CIT: variants seen among roughly 807,000 people sequenced by gnomAD.
CIT encodes the protein citron Rho-interacting kinase.
CIT carries 79 observed loss-of-function variants against 272.7 expected under a neutral mutation model. That is an observed-to-expected ratio of 0.29 (90% confidence interval 0.24 to 0.35). CIT has a LOEUF of 0.35. Ranked by LOEUF, CIT falls within the 10% of genes least tolerant of loss-of-function variation. The probability of loss-of-function intolerance (pLI) is 1.00; values close to 1 mark genes in which losing one functional copy is unlikely to be tolerated. For missense variants in CIT, 1,909 were observed against 2,618.3 expected, an observed-to-expected ratio of 0.73 and a Z score of 5.91; for synonymous variants, 948 against 995.6, an observed-to-expected ratio of 0.95 and a Z score of 0.90.
In CIT at chr12:119,708,048, CA is replaced by C. The variant is rs58766664; in HGVS notation, c.5211+130del. On this transcript the variant is annotated intron_variant, in intron 40 of 47. Transcript: ENST00000392521. The stretch of plus-strand genomic sequence containing the variant: ...GTTCCCAAATCAATCTCTTTTCTTT[CA>C]AGAGAGCCCCTCTCTGTTTGTTATT... 0.035 allele frequency: 35,633 copies of C among 1,025,338 alleles called. 3,675 individuals are homozygous for C. Among genetic ancestry groups the C allele is most frequent in the African/African-American group, 0.34 (20,180 of 59,448 alleles). 63.5% of individuals were successfully genotyped at this position (1,025,338 alleles called of 1,614,324 possible).
intron 10 of CIT, among the ~76,000 whole-genome samples, chr12:119,795,120 A>G (rs554864660): frequency 6.6e-6 from 1 of 152,208 alleles, no homozygotes; most frequent in Non-Finnish European, 1.5e-5. Flanking sequence ...GGTGGCTCAC[A>G]TCTGTAATCA....
intron 3 of CIT, among the ~76,000 whole-genome samples, chr12:119,861,795 A>C (rs1303831507): frequency 6.6e-6 from 1 of 152,222 alleles, no homozygotes; most frequent in Non-Finnish European, 1.5e-5. Flanking sequence ...GCATACAAAG[A>C]TGTGAATGAT....
intron 10 of CIT, among the ~76,000 whole-genome samples, chr12:119,790,574 TGAGAGAGAGAGACACCCAGAGAGG>T: frequency 2.0e-5 from 3 of 152,056 alleles, no homozygotes; most frequent in Non-Finnish European, 4.4e-5. Context: ...AGCGTGTGTG[TGAGAGAGAGAGACACCCAGAGAGG>T]GAGAGAGAGA....
At position 119,857,504 on chromosome 12, in the gene CIT, G is replaced by C; in HGVS notation, c.414+19C>G. 5.0e-6 allele frequency: 8 copies of C among 1,612,918 alleles called. No homozygotes were observed. Among genetic ancestry groups the C allele is most frequent in the Non-Finnish European group, 6.8e-6 (8 of 1,179,294 alleles). ...TCCGGTACAGAAAGTGGAAAAGCAT[G>C]ATGTTAAAATCCTCCTACCTGCTCC... On this transcript the variant is annotated intron_variant, in intron 4 of 47. Coordinates refer to ENST00000392521, the MANE Select transcript of CIT (RefSeq NM_001206999.2).
chr12:119,825,030 G>A, intron 8 of CIT, 135 bp downstream of exon 8: 1 of 647,712 alleles, frequency 1.5e-6, no homozygotes, highest in Admixed American at 2.9e-5. Flanking sequence ...TCGATCTCCT[G>A]ACCTCGTGAT....
At chr12:119,849,966 G>T (rs762561453) in intron 5 of CIT, among the ~76,000 whole-genome samples, 1 of 152,194 alleles carries the variant, frequency 6.6e-6, no homozygotes, top group Non-Finnish European at 1.5e-5. Flanking sequence ...GATTACAGGC[G>T]TGAGCCACCA....
chr12:119,694,427 C>T lies in CIT; in HGVS notation c.5882+3232G>A, dbSNP rs149881691. ...CATCTGGGGAGAAATGAATGAATAA[C>T]TACTTCTCACACTGACACGGAGCAA... On this transcript the variant is annotated intron_variant, in intron 46 of 47. Coordinates refer to ENST00000392521, the MANE Select transcript of CIT (RefSeq NM_001206999.2). The surrounding 1 kb of genome is among the most constrained non-coding windows in gnomAD (Gnocchi z 4.5). 0.016 allele frequency among the ~76,000 whole-genome samples: 2,367 copies of T among 152,228 alleles called. 54 individuals carry two copies. Among genetic ancestry groups the T allele is most frequent in the African/African-American group, 0.053 (2,190 of 41,520 alleles).
intron 4 of CIT, among the ~76,000 whole-genome samples, chr12:119,852,231 C>T (rs1263300668): frequency 6.6e-6 from 1 of 152,010 alleles, no homozygotes; most frequent in Non-Finnish European, 1.5e-5. Flanking sequence ...AGACCAAGAC[C>T]CTAAATCTAA....
chr12:119,781,976 T>C (rs1003605580), intron 13 of CIT, among the ~76,000 whole-genome samples: 1 of 152,108 alleles, frequency 6.6e-6, no homozygotes, highest in Admixed American at 6.6e-5. Context: ...GCAGGCCACA[T>C]GGTCTCTGTA....
intron 26 of CIT, among the ~76,000 whole-genome samples, chr12:119,733,722 C>T (rs1958602471): frequency 6.6e-6 from 1 of 151,948 alleles, no homozygotes; most frequent in African/African-American, 2.4e-5. Flanking sequence ...CTACAATGCA[C>T]AGGACAGCCC....
intron 3 of CIT, among the ~76,000 whole-genome samples, chr12:119,858,808 C>T (rs1382924859): frequency 1.3e-5 from 2 of 150,308 alleles, no homozygotes; most frequent in African/African-American, 2.5e-5. Flanking sequence ...AGTGACAGAG[C>T]GAGACTCCAT....
intron 37 of CIT, among the ~76,000 whole-genome samples, chr12:119,711,250 T>C (rs1324225720): frequency 6.6e-6 from 1 of 151,986 alleles, no homozygotes; most frequent in Non-Finnish European, 1.5e-5. Flanking sequence ...TTATTAGGAG[T>C]GAAGAGTCTG....
At chr12:119,814,054 C>A (rs1347479767) in intron 9 of CIT, among the ~76,000 whole-genome samples, 1 of 152,100 alleles carries the variant, frequency 6.6e-6, no homozygotes, top group South Asian at 2.1e-4. Flanking sequence ...TACTTTCAAC[C>A]CTAACTTTAT....
At chr12:119,775,447 G>T (rs1382751358) in intron 16 of CIT, among the ~76,000 whole-genome samples, 1 of 152,210 alleles carries the variant, frequency 6.6e-6, no homozygotes, top group Non-Finnish European at 1.5e-5. Flanking sequence ...CAGTTTGGGT[G>T]GGGAACTACT....
rs1957188625 is a variant in CIT, at chr12:119,712,046, C to CTAGAT, written c.4854+131_4854+132insATCTA. ...ACCAGACTCCTGGCCATGACACAGT[C>CTAGAT]TAGAGCCATCAGCCCTCAGAGAGAG... On this transcript the variant is annotated intron_variant, in intron 37 of 47. Coordinates refer to ENST00000392521, the MANE Select transcript of CIT (RefSeq NM_001206999.2). The surrounding 1 kb of genome is among the most constrained non-coding windows in gnomAD (Gnocchi z 5.2). 16 of 861,138 alleles carry CTAGAT rather than the reference C, an allele frequency of 1.9e-5. No individual in the cohort carries two copies. Among genetic ancestry groups the CTAGAT allele is most frequent in the Admixed American group, 1.7e-4 (7 of 42,408 alleles). The allele number at this position is 861,138 out of a possible 1,614,324, so 53.3% of individuals were successfully genotyped here.
chr12:119,746,516 T>C (rs1959435015), intron 23 of CIT, among the ~76,000 whole-genome samples: 1 of 152,188 alleles, frequency 6.6e-6, no homozygotes, highest in Non-Finnish European at 1.5e-5. Context: ...GCATAAGTGG[T>C]GACCATAAAA....
chr12:119,793,161 T>C (rs907031548), intron 10 of CIT, among the ~76,000 whole-genome samples: 4 of 151,872 alleles, frequency 2.6e-5, no homozygotes, highest in African/African-American at 7.3e-5. Flanking sequence ...CATACTCATA[T>C]ACATACACAC....
chr12:119,765,068 C>A (rs1691368420), intron 19 of CIT, among the ~76,000 whole-genome samples: 1 of 152,114 alleles, frequency 6.6e-6, no homozygotes, highest in South Asian at 2.1e-4. Context: ...CTCTGCCACC[C>A]AAGTGCTGGG....
chr12:119,827,278 A>G (rs1263301569), intron 7 of CIT, among the ~76,000 whole-genome samples: 1 of 152,176 alleles, frequency 6.6e-6, no homozygotes, highest in Non-Finnish European at 1.5e-5. Flanking sequence ...GGGTGACTTA[A>G]GCTTGAAGAA....
Sources: allele counts gnomAD v4.1 joint callset (sites outside exome capture counted in the v4.1 genomes callset), GRCh38; gene constraint gnomAD v4.1.1; non-coding constraint Gnocchi (gnomAD v3.1); transcripts MANE v1.5; gene names NCBI Gene and HGNC (gene_info 2026-07-23, HGNC 2026-07-21).